Variants in CDH12 observed in about 807,000 individuals in gnomAD.
CDH12 encodes the protein cadherin-12.
Under a neutral mutation model 74.1 loss-of-function variants are expected in CDH12, and 41 were observed. The observed-to-expected ratio is 0.55, with a 90% confidence interval of 0.43 to 0.72. The LOEUF (loss-of-function observed/expected upper bound fraction) is 0.72. Ranked by LOEUF, CDH12 falls within the 30% of genes least tolerant of loss-of-function variation. CDH12 has a pLI of 0.00. For synonymous variants in CDH12, 399 were observed against 355.0 expected (o/e 1.12, Z -1.39); for missense variants, 945 against 977.2 (o/e 0.97, Z 0.44).
chr5:22,177,440 G>A (rs1749403093), intron 4 of CDH12, among the ~76,000 whole-genome samples: 1 of 152,092 alleles, frequency 6.6e-6, no homozygotes, highest in Non-Finnish European at 1.5e-5. Flanking sequence ...TGAATCTCAT[G>A]TTTAAATTAT....
chr5:22,658,796 C>A (rs1740198364), intron 1 of CDH12, among the ~76,000 whole-genome samples: 1 of 152,090 alleles, frequency 6.6e-6, no homozygotes, highest in African/African-American at 2.4e-5. Flanking sequence ...ATAAACCAAA[C>A]AAAATCTTGC....
chr5:22,095,480 G>A (rs890172280), intron 4 of CDH12, among the ~76,000 whole-genome samples: 1 of 152,060 alleles, frequency 6.6e-6, no homozygotes, highest in Non-Finnish European at 1.5e-5. Context: ...CTGACCATGC[G>A]AGAACACCTG....
intron 1 of CDH12, among the ~76,000 whole-genome samples, chr5:22,643,084 A>G (rs866727346): frequency 6.6e-6 from 1 of 152,230 alleles, no homozygotes; most frequent in Non-Finnish European, 1.5e-5. Context: ...GTAAGGTCAC[A>G]GAGATACCTG....
chr5:22,652,798 C>T (rs73062278), intron 1 of CDH12, among the ~76,000 whole-genome samples: 4,833 of 152,068 alleles, frequency 0.032, 234 homozygotes, highest in African/African-American at 0.1. Context: ...AAAAGGATTT[C>T]AAGGGAGTTA....
Position 22,830,514 on chromosome 5 carries a change from G to T in CDH12, c.-523+22544C>A, listed in dbSNP as rs565222938. Among the ~76,000 whole-genome samples the T allele has an allele frequency of 4.6e-5, 7 of 151,764 alleles. No individual in the cohort carries two copies. The East Asian group carries it at 1.4e-3, about 29-fold the overall frequency. On this transcript the variant is annotated intron_variant, in intron 1 of 14. Coordinates refer to ENST00000382254, the MANE Select transcript of CDH12 (RefSeq NM_004061.5). ...CTGTTATAATTAATATATATAATTA[G>T]AAAAAGGAGGCACTTTCTGCTTTTG... is the stretch of plus-strand genomic sequence containing the variant.
At chr5:22,388,661 CA>C (rs900045299) in intron 3 of CDH12, among the ~76,000 whole-genome samples, 2 of 152,032 alleles carry the variant, frequency 1.3e-5, no homozygotes, top group African/African-American at 4.8e-5. Context: ...GTTTTATTTA[CA>C]AAATACACTT....
chr5:21,783,744 A>G (rs1746046123), intron 10 of CDH12, among the ~76,000 whole-genome samples: 2 of 152,150 alleles, frequency 1.3e-5, no homozygotes, highest in South Asian at 4.1e-4. Flanking sequence ...AAAGCTCAGC[A>G]GAGACTAAAA....
chr5:22,546,027 C>A (rs548075107), intron 1 of CDH12, among the ~76,000 whole-genome samples: 113 of 152,084 alleles, frequency 7.4e-4, no homozygotes, highest in African/African-American at 2.4e-3. Context: ...TCACTGCAAC[C>A]CCTGCCTCCC....
intron 1 of CDH12, among the ~76,000 whole-genome samples, chr5:22,691,647 C>T (rs931891302): frequency 1.3e-5 from 2 of 152,154 alleles, no homozygotes; most frequent in African/African-American, 4.8e-5. Context: ...TCATCTGGGC[C>T]TATAATGCCT....
intron 1 of CDH12, among the ~76,000 whole-genome samples, chr5:22,544,576 G>T (rs1393511366): frequency 6.6e-6 from 1 of 152,124 alleles, no homozygotes; most frequent in African/African-American, 2.4e-5. Context: ...AACACTTCGA[G>T]AGGCCGAGGT....
intron 4 of CDH12, among the ~76,000 whole-genome samples, chr5:22,135,222 A>AG (rs1451354273): frequency 1.5e-4 from 22 of 151,328 alleles, no homozygotes; most frequent in Non-Finnish European, 2.5e-4. Flanking sequence ...AAAAAAAAAA[A>AG]AAAGAAAGAA....
intron 3 of CDH12, among the ~76,000 whole-genome samples, chr5:22,372,930 A>C: frequency 6.6e-6 from 1 of 152,094 alleles, no homozygotes; most frequent in East Asian, 1.9e-4. Flanking sequence ...CCAGAAAACC[A>C]CCAGCTCCAC....
intron 1 of CDH12, among the ~76,000 whole-genome samples, chr5:22,741,486 G>A (rs2127018481): frequency 6.6e-6 from 1 of 152,230 alleles, no homozygotes; most frequent in African/African-American, 2.4e-5. Context: ...AAGTTTTGTT[G>A]TTGTTGTTGT....
At chr5:22,573,115 G>C (rs1040302954) in intron 1 of CDH12, among the ~76,000 whole-genome samples, 3 of 152,180 alleles carry the variant, frequency 2.0e-5, no homozygotes, top group Non-Finnish European at 4.4e-5. Flanking sequence ...ATTTGCAGCA[G>C]TACTTGAGGA....
At chr5:22,596,027 G>A (rs1405559160) in intron 1 of CDH12, among the ~76,000 whole-genome samples, 5 of 151,522 alleles carry the variant, frequency 3.3e-5, no homozygotes, top group South Asian at 4.1e-4. Flanking sequence ...AGAATGGCAC[G>A]AACCCAGGAG....
At chr5:22,592,974 G>A (rs1441656272) in intron 1 of CDH12, among the ~76,000 whole-genome samples, 1 of 144,916 alleles carries the variant, frequency 6.9e-6, no homozygotes, top group African/African-American at 2.6e-5. Context: ...AGGTTGCAAT[G>A]AGCCGAGATC....
intron 1 of CDH12, among the ~76,000 whole-genome samples, chr5:22,730,469 T>A (rs1744377563): frequency 6.6e-6 from 1 of 151,868 alleles, no homozygotes; most frequent in African/African-American, 2.4e-5. Context: ...GTCCTAGAGC[T>A]ACATATTCAG....
chr5:21,945,583 A>G lies in CDH12; in HGVS notation c.526+29508T>C, dbSNP rs116724497. On this transcript the variant is annotated intron_variant, in intron 6 of 14. Transcript: ENST00000382254. ...AATTAAAAGTAAATTCAATAATGAC[A>G]TAAGTTATAAAAAGTAAATATGAAC... Among the ~76,000 whole-genome samples the G allele has an allele frequency of 6.2e-3, 943 of 151,938 alleles. 9 individuals carry two copies. Among genetic ancestry groups the G allele is most frequent in the African/African-American group, 0.021 (885 of 41,540 alleles).
chr5:21,764,672 AAG>A (rs1322651890), intron 12 of CDH12, among the ~76,000 whole-genome samples: 1 of 151,400 alleles, frequency 6.6e-6, no homozygotes, highest in Non-Finnish European at 1.5e-5. Flanking sequence ...AAAAAAAGAA[AAG>A]AAAAGGAAAG....
Sources: allele counts gnomAD v4.1 joint callset (sites outside exome capture counted in the v4.1 genomes callset), GRCh38; gene constraint gnomAD v4.1.1; transcripts MANE v1.5; gene names NCBI Gene and HGNC (gene_info 2026-07-23, HGNC 2026-07-21).